The following SLX4IP variants were observed in gnomAD, a reference collection of about 807,000 sequenced individuals.
The protein encoded by SLX4IP is protein SLX4IP.
Under a neutral mutation model 32.9 loss-of-function variants are expected in SLX4IP, and 34 were observed. The observed-to-expected ratio is 1.03, with a 90% CI of 0.79 to 1.38. SLX4IP has a LOEUF of 1.38. Ranked by LOEUF, SLX4IP falls within the 40% of genes most tolerant of loss-of-function variation. SLX4IP has a pLI of 0.00. For synonymous variants in SLX4IP, 172 were observed against 171.7 expected (o/e 1.00, Z -0.01); for missense variants, 444 against 479.0 (o/e 0.93, Z 0.68).
chr20:10,552,375 G>A (rs2066226106), intron 2 of SLX4IP, among the ~76,000 whole-genome samples: 1 of 152,112 alleles, frequency 6.6e-6, no homozygotes, highest in South Asian at 2.1e-4. Flanking sequence ...TGTGCTGCTG[G>A]CAGTGTAAGA....
intron 4 of SLX4IP, among the ~76,000 whole-genome samples, chr20:10,598,425 G>A (rs1414962964): frequency 3.9e-5 from 6 of 152,224 alleles, no homozygotes; most frequent in Middle Eastern, 3.4e-3. Context: ...CACCTCACCC[G>A]GCTAGTTTTT....
At chr20:10,542,425 A>G (rs2066117599) in intron 2 of SLX4IP, among the ~76,000 whole-genome samples, 1 of 152,044 alleles carries the variant, frequency 6.6e-6, no homozygotes, top group Non-Finnish European at 1.5e-5. Flanking sequence ...TGTTAATATT[A>G]TATTATCCTG....
intron 4 of SLX4IP, among the ~76,000 whole-genome samples, chr20:10,561,340 G>A (rs6040023): frequency 0.59 from 89,540 of 151,674 alleles, 26,799 homozygotes; most frequent in South Asian, 0.75. Flanking sequence ...TCTAGTGGTA[G>A]TCTTATATCC....
chr20:10,491,326 C>A (rs1424868342), intron 2 of SLX4IP, among the ~76,000 whole-genome samples: 1 of 152,138 alleles, frequency 6.6e-6, no homozygotes, highest in Non-Finnish European at 1.5e-5. Context: ...TCCCTCAACT[C>A]CCCTGTTTTT....
intron 2 of SLX4IP, among the ~76,000 whole-genome samples, chr20:10,555,606 C>T (rs985530360): frequency 6.6e-6 from 1 of 152,134 alleles, no homozygotes; most frequent in Non-Finnish European, 1.5e-5. Context: ...TTCTAAAGTG[C>T]TGGACAGCGC....
intron 4 of SLX4IP, among the ~76,000 whole-genome samples, chr20:10,580,337 T>C (rs1350366651): frequency 6.6e-6 from 1 of 152,056 alleles, no homozygotes; most frequent in Non-Finnish European, 1.5e-5. Context: ...CCAAAAGGAC[T>C]TGTCTGAGTT....
intron 2 of SLX4IP, among the ~76,000 whole-genome samples, chr20:10,482,822 C>T (rs1469676948): frequency 6.6e-6 from 1 of 152,164 alleles, no homozygotes; most frequent in Non-Finnish European, 1.5e-5. Context: ...TTTACTAAAA[C>T]TCATCAGACT....
At chr20:10,596,874 G>A (rs1265586479) in intron 4 of SLX4IP, among the ~76,000 whole-genome samples, 2 of 152,190 alleles carry the variant, frequency 1.3e-5, no homozygotes, top group African/African-American at 2.4e-5. Flanking sequence ...TGTCAGTGGT[G>A]TGTATATTTT....
Position 10,555,637 on chromosome 20 carries a change from GAGTC to G in SLX4IP, c.28-591_28-588del, listed in dbSNP as rs2066258987. ...AGCGCTAGCCTATAGAATAAGAACA[GAGTC>G]AGGCTTTGTACAGTTTTGTAGCATA... On this transcript the variant is annotated intron_variant, in intron 2 of 7. Transcript: ENST00000334534. Among the ~76,000 whole-genome samples, 5 of 152,288 alleles carry G rather than the reference GAGTC, an allele frequency of 3.3e-5. No individual in the cohort carries two copies. In the South Asian group the frequency reaches 1.0e-3, roughly 32 times the overall value.
Position 10,595,396 on chromosome 20 carries a change from G to C in SLX4IP, c.239-3279G>C, listed in dbSNP as rs546496711. 2.0e-5 allele frequency among the ~76,000 whole-genome samples: 3 copies of C among 152,294 alleles called. No homozygotes were observed. In the East Asian group the frequency reaches 5.8e-4, roughly 29 times the overall value. Reference sequence around the variant, plus strand: ...TCCAGTAGTTTTCAGATGAAAAGATGATCACTTTATGATTTCCATTTGCTC... The same window carrying C: ...TCCAGTAGTTTTCAGATGAAAAGATCATCACTTTATGATTTCCATTTGCTC... On this transcript the variant is annotated intron_variant, in intron 4 of 7. Coordinates refer to ENST00000334534, the MANE Select transcript of SLX4IP (RefSeq NM_001009608.3).
intron 4 of SLX4IP, among the ~76,000 whole-genome samples, chr20:10,587,918 C>T (rs545497771): frequency 3.0e-4 from 46 of 152,120 alleles, no homozygotes; most frequent in African/African-American, 9.6e-4. Flanking sequence ...GAAATGGCTC[C>T]TTGACATTGG....
chr20:10,500,506 T>G (rs1041676564), intron 2 of SLX4IP, among the ~76,000 whole-genome samples: 1 of 152,124 alleles, frequency 6.6e-6, no homozygotes, highest in African/African-American at 2.4e-5. Flanking sequence ...GTTCTAGCAC[T>G]TTGGGAGGCT....
At chr20:10,464,093 C>G (rs1349059227) in intron 2 of SLX4IP, among the ~76,000 whole-genome samples, 1 of 152,140 alleles carries the variant, frequency 6.6e-6, no homozygotes, top group Non-Finnish European at 1.5e-5. Context: ...ATTACCAGAT[C>G]AAAAAGCTAA....
At chr20:10,460,030 A>G (rs1300259123) in intron 2 of SLX4IP, among the ~76,000 whole-genome samples, 2 of 152,194 alleles carry the variant, frequency 1.3e-5, no homozygotes, top group Non-Finnish European at 2.9e-5. Flanking sequence ...ATTTACTAAC[A>G]TATTTATAAA....
intron 4 of SLX4IP, among the ~76,000 whole-genome samples, chr20:10,578,702 T>C (rs1483605472): frequency 6.6e-6 from 1 of 152,226 alleles, no homozygotes; most frequent in Non-Finnish European, 1.5e-5. Flanking sequence ...CTGCCAGCAG[T>C]GTATGAGGCT....
chr20:10,463,412 T>G (rs558718901), intron 2 of SLX4IP, among the ~76,000 whole-genome samples: 16 of 152,104 alleles, frequency 1.1e-4, no homozygotes, highest in Non-Finnish European at 2.4e-4. Context: ...TTGGGAGAGA[T>G]AACGGATTGA....
At position 10,623,151 on chromosome 20, in the gene SLX4IP, T is replaced by G. The variant is rs1304007411; in HGVS notation, c.999T>G (p.Val333=). 6.2e-7 allele frequency: 1 copy of G among 1,614,164 alleles called. No homozygotes were observed. Among genetic ancestry groups the G allele is most frequent in the South Asian group, 1.1e-5 (1 of 91,076 alleles). ...IIVEKSKAVR[V]LPASELSDPG... ...TGGAAAAAAGCAAAGCTGTCAGGGT[T>G]TTGCCAGCTTCAGAGTTGTCAGATC... is the stretch of plus-strand genomic sequence containing the variant. Residue 333 remains valine, a synonymous_variant, in exon 8 of 8, where the codon GTT becomes GTG. Transcript: ENST00000334534.
intron 1 of SLX4IP, among the ~76,000 whole-genome samples, chr20:10,453,254 T>C (rs2065257609): frequency 6.6e-6 from 1 of 152,132 alleles, no homozygotes; most frequent in South Asian, 2.1e-4. Flanking sequence ...TAGCTTTCCA[T>C]GTACCTGTCC....
intron 1 of SLX4IP, among the ~76,000 whole-genome samples, chr20:10,440,136 A>AT (rs577778324): frequency 0.013 from 1,924 of 143,036 alleles, 28 homozygotes; most frequent in South Asian, 0.074. Flanking sequence ...AAAAGATTGC[A>AT]TTTTTTTTTT....
Sources: allele counts gnomAD v4.1 joint callset (sites outside exome capture counted in the v4.1 genomes callset), GRCh38; gene constraint gnomAD v4.1.1; transcripts MANE v1.5; gene names NCBI Gene and HGNC (gene_info 2026-07-23, HGNC 2026-07-21).